Variants in DNAH11 observed in about 807,000 individuals in gnomAD.
DNAH11 encodes dynein axonemal heavy chain 11, also known as axonemal beta dynein heavy chain 11.
A neutral mutation model predicts 526.0 loss-of-function variants in DNAH11; 442 were observed. The observed-to-expected ratio is 0.84, with a 90% CI of 0.78 to 0.91. DNAH11 has a LOEUF of 0.91. Among genes scored for constraint, DNAH11 ranks in the 40% least tolerant of loss-of-function variants. The pLI is 0.00. For missense variants in DNAH11, 6,989 were observed against 5,448.7 expected, an observed-to-expected ratio of 1.28 and a Z score of -8.90; for synonymous variants, 2,461 against 1,935.9, an observed-to-expected ratio of 1.27 and a Z score of -7.12.
At chr7:21,803,895 G>A (rs907829700) in intron 62 of DNAH11, among the ~76,000 whole-genome samples, 1 of 151,932 alleles carries the variant, frequency 6.6e-6, no homozygotes, top group African/African-American at 2.4e-5. Flanking sequence ...TGGGGAATGG[G>A]GCTATCATCA....
chr7:21,683,561 A>G (rs1397300404), intron 31 of DNAH11, among the ~76,000 whole-genome samples: 1 of 152,256 alleles, frequency 6.6e-6, no homozygotes, highest in East Asian at 1.9e-4. Context: ...GAAGAAATTC[A>G]TATTGTTTTA....
intron 30 of DNAH11, among the ~76,000 whole-genome samples, chr7:21,667,085 C>T (rs867480449): frequency 6.6e-6 from 1 of 152,138 alleles, no homozygotes; most frequent in East Asian, 1.9e-4. Context: ...AAATTATGAA[C>T]TCACCTTAAG....
At chr7:21,852,935 A>T (rs961528153) in intron 67 of DNAH11, among the ~76,000 whole-genome samples, 4 of 152,148 alleles carry the variant, frequency 2.6e-5, no homozygotes, top group African/African-American at 9.7e-5. Flanking sequence ...TGAAAATCTG[A>T]AAAGCCTTAG....
At chr7:21,567,429 G>A (rs1290528168) in intron 6 of DNAH11, among the ~76,000 whole-genome samples, 1 of 152,136 alleles carries the variant, frequency 6.6e-6, no homozygotes, top group Non-Finnish European at 1.5e-5. Context: ...TTCGGCCCAA[G>A]GATCAATGCA....
In DNAH11 at chr7:21,842,216, T is replaced by C. The variant is rs143171434; in HGVS notation, c.10692-328T>C. ...AGTCACAGTTTGCAAGTTTATCGAT[T>C]ACATCGAGGACTTACTGTATAATAA... On this transcript the variant is annotated intron_variant, in intron 65 of 81. Coordinates refer to ENST00000409508, the MANE Select transcript of DNAH11 (RefSeq NM_001277115.2). Among the ~76,000 whole-genome samples the C allele has an allele frequency of 5.3e-5, 8 of 152,366 alleles. No individual in the cohort carries two copies. In the East Asian group the frequency reaches 1.5e-3, roughly 29 times the overall value.
chr7:21,833,550 C>G (rs1781872417), intron 65 of DNAH11, among the ~76,000 whole-genome samples: 1 of 151,932 alleles, frequency 6.6e-6, no homozygotes, highest in South Asian at 2.1e-4. Context: ...TAAAAATTAG[C>G]CCAGCATGAT....
intron 81 of DNAH11, among the ~76,000 whole-genome samples, chr7:21,900,465 A>ATTTGCTCTAATGTTTT (rs2082816775): frequency 9.7e-6 from 1 of 102,902 alleles, no homozygotes; most frequent in African/African-American, 3.0e-5. Context: ...CTGTCAGTAA[A>ATTTGCTCTAATGTTTT]TTTGCTCTAA....
chr7:21,871,503 A>C (rs891325939), intron 73 of DNAH11, among the ~76,000 whole-genome samples: 9 of 152,186 alleles, frequency 5.9e-5, no homozygotes, highest in African/African-American at 2.2e-4. Context: ...TACCTAGAAT[A>C]TTTTTACATT....
intron 31 of DNAH11, among the ~76,000 whole-genome samples, chr7:21,683,379 C>T (rs938822208): frequency 1.3e-5 from 2 of 152,152 alleles, no homozygotes; most frequent in African/African-American, 4.8e-5. Context: ...TTAGAATGAA[C>T]TTGGTTGAAA....
chr7:21,615,392 T>G (rs374808729), intron 21 of DNAH11, 120 bp downstream of exon 21: 2 of 1,101,994 alleles, frequency 1.8e-6, no homozygotes, highest in African/African-American at 1.6e-5. Flanking sequence ...GGAAATTAGA[T>G]CCTCACCCCA....
At chr7:21,786,302 A>ATGTGTGTGTGTGTG (rs58775729) in intron 58 of DNAH11, among the ~76,000 whole-genome samples, 19 of 150,954 alleles carry the variant, frequency 1.3e-4, no homozygotes, top group African/African-American at 3.9e-4. Flanking sequence ...ACATATACAC[A>ATGTGTGTGTGTGTG]TGTGTGTGTG....
At chr7:21,684,022 A>C in intron 32 of DNAH11, 78 bp downstream of exon 32, 1 of 1,448,686 alleles carries the variant, frequency 6.9e-7, no homozygotes, top group Non-Finnish European at 9.5e-7. Flanking sequence ...AAAGGAAGGA[A>C]TGAGAGGAAA....
chr7:21,565,113 G>A (rs2128433825), intron 6 of DNAH11, among the ~76,000 whole-genome samples: 1 of 152,264 alleles, frequency 6.6e-6, no homozygotes, highest in South Asian at 2.1e-4. Context: ...GGATTGGGTA[G>A]GTTAAACATC....
In DNAH11 at chr7:21,807,898, G is replaced by T; in HGVS notation, c.10181G>T (p.Gly3394Val). The T allele has an allele frequency of 6.2e-7, 1 of 1,600,222 alleles. No individual in the cohort carries two copies. The change falls in exon 63 of 82, where the codon GGT becomes GTT. Residue 3394 changes from glycine to valine, a missense_variant. Physicochemically the swap from Gly to Val is moderately radical, Grantham distance 109. Coordinates refer to ENST00000409508, the MANE Select transcript of DNAH11 (RefSeq NM_001277115.2). ...KELEAKKIRW[G>V]QSIKSFEAQE... ...TTTCAGTCAGAGAAGATTCGCTGGG[G>T]TCAATCCATTAAGTCCTTTGAAGCT...
intron 13 of DNAH11, 52 bp from the exon 14 acceptor site, chr7:21,591,133 G>C: frequency 6.6e-7 from 1 of 1,516,520 alleles, no homozygotes; most frequent in Non-Finnish European, 8.8e-7. Flanking sequence ...TTAAGACAGA[G>C]AAAATAGCTA....
In DNAH11 at chr7:21,600,037, T is replaced by C. The variant is rs1785015935; in HGVS notation, c.2918T>C (p.Val973Ala). 3 of 1,611,504 alleles carry C rather than the reference T, an allele frequency of 1.9e-6. No individual in the cohort carries two copies. The highest frequency in any genetic ancestry group is 2.5e-6 in the Non-Finnish European group (3 of 1,178,480). Residue 973 changes from valine (V) to alanine (A), a missense_variant, in exon 15 of 82, where the codon GTA becomes GCA. Val to Ala is a moderately conservative substitution (Grantham distance 64). Transcript: ENST00000409508. Reference protein sequence around the residue: ...REAGDGFYDLVEEMLCNSFRM... With the variant: ...REAGDGFYDLAEEMLCNSFRM... Reference sequence around the variant, plus strand: ...GCTGGGGATGGCTTCTATGATCTTGTAGAAGAAATGTTATGCAATAGTTTT... The same window carrying C: ...GCTGGGGATGGCTTCTATGATCTTGCAGAAGAAATGTTATGCAATAGTTTT...
At position 21,687,512 on chromosome 7, in the gene DNAH11, G is replaced by A. The variant is rs1358021342; in HGVS notation, c.5909G>A (p.Arg1970Lys). The change falls in exon 34 of 82, where the codon AGA becomes AAA. Residue 1970 changes from arginine (R) to lysine (K), a missense_variant. Physicochemically the swap from Arg to Lys is conservative, Grantham distance 26. Transcript: ENST00000409508. ...VQVKMIHDAIRNRKKRFVFLG... is the reference protein window; with the variant it reads ...VQVKMIHDAIKNRKKRFVFLG... ...GTGAAAATGATTCATGATGCCATCA[G>A]AAACAGGAAGAAGAGGTGAGTGGCA... 1 of 1,613,354 alleles carries A rather than the reference G, an allele frequency of 6.2e-7. No individual in the cohort carries two copies. The highest frequency in any genetic ancestry group is 8.5e-7 in the Non-Finnish European group (1 of 1,179,644).
Position 21,615,035 on chromosome 7 carries a change from G to C in DNAH11, c.3853-79G>C, listed in dbSNP as rs72657307. 0.011 allele frequency: 15,747 copies of C among 1,375,748 alleles called. 142 individuals are homozygous for C. Among genetic ancestry groups the C allele is most frequent in the Non-Finnish European group, 0.012 (11,944 of 1,023,704 alleles). The allele number at this position is 1,375,748 out of a possible 1,614,324, so 85.2% of individuals were successfully genotyped here. On this transcript the variant is annotated intron_variant, in intron 20 of 81. Transcript: ENST00000409508. ...GTTAAAAATCAAAGATTGAAATGTC[G>C]AGATAACCAGAGCTACAGAACTGCA... is the stretch of plus-strand genomic sequence containing the variant.
At chr7:21,900,575 G>T (rs543816287) in intron 81 of DNAH11, among the ~76,000 whole-genome samples, 27 of 152,088 alleles carry the variant, frequency 1.8e-4, no homozygotes, top group Non-Finnish European at 3.8e-4. Context: ...AATTTATCTG[G>T]CCATGCATTT....
Sources: allele counts gnomAD v4.1 joint callset (sites outside exome capture counted in the v4.1 genomes callset), GRCh38; gene constraint gnomAD v4.1.1; transcripts MANE v1.5; gene names NCBI Gene and HGNC (gene_info 2026-07-23, HGNC 2026-07-21).